BMERB1: variants seen among roughly 807,000 people sequenced by gnomAD.
The protein encoded by BMERB1 is bMERB domain containing 1.
A neutral mutation model predicts 23.6 loss-of-function variants in BMERB1; 12 were observed. That is an observed-to-expected ratio of 0.51 (90% confidence interval 0.33 to 0.82). BMERB1 has a LOEUF of 0.82. Ranked by LOEUF, BMERB1 falls within the 40% of genes least tolerant of loss-of-function variation. BMERB1 has a pLI of 0.03. For synonymous variants in BMERB1, 122 were observed against 96.6 expected, an observed-to-expected ratio of 1.26 and a Z score of -1.54; for missense variants, 247 against 255.4, an observed-to-expected ratio of 0.97 and a Z score of 0.22.
intron 2 of BMERB1, among the ~76,000 whole-genome samples, chr16:15,545,757 T>G (rs562941740): frequency 6.6e-6 from 1 of 152,186 alleles, no homozygotes; most frequent in African/African-American, 2.4e-5. Context: ...TGGCTGAGTC[T>G]GAGGAAGTGG....
At chr16:15,574,621 C>G (rs567417131) in intron 3 of BMERB1, among the ~76,000 whole-genome samples, 1 of 151,890 alleles carries the variant, frequency 6.6e-6, no homozygotes, top group South Asian at 2.1e-4. Flanking sequence ...AAATTTCAGT[C>G]AAGCAGAAGT....
chr16:15,517,654 ATATT>A (rs1197331279), intron 2 of BMERB1, among the ~76,000 whole-genome samples: 1 of 146,742 alleles, frequency 6.8e-6, no homozygotes. Flanking sequence ...TTAAAAATAT[ATATT>A]TATTTTTATT....
chr16:15,515,538 G>T, intron 2 of BMERB1, 110 bp downstream of exon 2: 1 of 1,399,446 alleles, frequency 7.1e-7, no homozygotes, highest in Non-Finnish European at 9.4e-7. Context: ...AAGGCATTAT[G>T]CACGTTTTTA....
chr16:15,508,812 C>A (rs551130097), intron 1 of BMERB1, among the ~76,000 whole-genome samples: 1 of 132,076 alleles, frequency 7.6e-6, no homozygotes, highest in Non-Finnish European at 1.5e-5. Context: ...GAAGACAGAG[C>A]GAGACCCTGC....
intron 1 of BMERB1, among the ~76,000 whole-genome samples, chr16:15,514,394 T>C (rs2051718712): frequency 6.6e-6 from 1 of 152,140 alleles, no homozygotes; most frequent in Non-Finnish European, 1.5e-5. Context: ...AAAGTGGTCG[T>C]GGTCAGGGGG....
chr16:15,571,521 AT>A (rs1278976063), intron 3 of BMERB1, among the ~76,000 whole-genome samples: 2 of 151,820 alleles, frequency 1.3e-5, no homozygotes, highest in African/African-American at 4.8e-5. Flanking sequence ...CGCCCGGCTA[AT>A]TTTTTGTATT....
At chr16:15,556,322 A>G (rs1340065146) in intron 2 of BMERB1, among the ~76,000 whole-genome samples, 1 of 152,160 alleles carries the variant, frequency 6.6e-6, no homozygotes, top group African/African-American at 2.4e-5. Context: ...ACACACCCAC[A>G]CTGCCTGTGC....
intron 2 of BMERB1, among the ~76,000 whole-genome samples, chr16:15,520,782 C>T (rs551313060): frequency 1.3e-5 from 2 of 152,250 alleles, no homozygotes; most frequent in Admixed American, 6.5e-5. Flanking sequence ...CCACTGCACC[C>T]GGCCCATAGA....
At position 15,576,726 on chromosome 16, in the gene BMERB1, T is replaced by TA. The variant is rs1646927047; in HGVS notation, c.305-4491_305-4490insA. Among the ~76,000 whole-genome samples the TA allele has an allele frequency of 4.8e-5, 7 of 147,030 alleles. No individual in the cohort carries two copies. The South Asian group carries it at 1.5e-3, about 31-fold the overall frequency. ...GCTAAGGCTCTAGAGGAGACTCCTT[T>TA]GCCTCTTAGCTTCTGGTAGTGTTAG... On this transcript the variant is annotated intron_variant, in intron 3 of 5. Coordinates refer to ENST00000300006, the MANE Select transcript of BMERB1 (RefSeq NM_033201.3).
At chr16:15,519,662 G>T (rs933302698) in intron 2 of BMERB1, among the ~76,000 whole-genome samples, 4 of 152,076 alleles carry the variant, frequency 2.6e-5, no homozygotes, top group African/African-American at 4.8e-5. Flanking sequence ...GGGATTACAG[G>T]TGTGAGCCAC....
At chr16:15,489,686 C>T (rs987272837) in intron 1 of BMERB1, among the ~76,000 whole-genome samples, 1 of 152,136 alleles carries the variant, frequency 6.6e-6, no homozygotes, top group African/African-American at 2.4e-5. Context: ...GTGGGTCCTC[C>T]ATGACTCATG....
At chr16:15,540,324 A>G (rs2150962572) in intron 2 of BMERB1, among the ~76,000 whole-genome samples, 1 of 152,134 alleles carries the variant, frequency 6.6e-6, no homozygotes, top group Non-Finnish European at 1.5e-5. Flanking sequence ...CCAGGAGTTC[A>G]AGACCAGCCT....
At chr16:15,435,963 C>T (rs571919959) in intron 1 of BMERB1, among the ~76,000 whole-genome samples, 2 of 151,844 alleles carry the variant, frequency 1.3e-5, no homozygotes, top group East Asian at 3.9e-4. Context: ...GTCTTTCTTT[C>T]TAGTTCATCC....
At position 15,446,103 on chromosome 16, in the gene BMERB1, A is replaced by C. The variant is rs578111804; in HGVS notation, c.106+11344A>C. 7.9e-5 allele frequency among the ~76,000 whole-genome samples: 12 copies of C among 152,332 alleles called. No homozygotes were observed. In the South Asian group the frequency reaches 1.2e-3, roughly 16 times the overall value. On this transcript the variant is annotated intron_variant, in intron 1 of 5. Coordinates refer to ENST00000300006, the MANE Select transcript of BMERB1 (RefSeq NM_033201.3). ...ACTCTAACTCTACAAAAATAAAAATAAAAAAGTTAGCTGGGCATAGTGGCC... is the reference window on the plus strand; with the variant it reads ...ACTCTAACTCTACAAAAATAAAAATCAAAAAGTTAGCTGGGCATAGTGGCC...
intron 3 of BMERB1, among the ~76,000 whole-genome samples, chr16:15,573,743 C>A (rs557925126): frequency 6.6e-6 from 1 of 152,142 alleles, no homozygotes; most frequent in Non-Finnish European, 1.5e-5. Flanking sequence ...TTTGTTAAGT[C>A]CATTTTCACA....
At chr16:15,468,003 A>AG (rs2051196081) in intron 1 of BMERB1, among the ~76,000 whole-genome samples, 1 of 152,132 alleles carries the variant, frequency 6.6e-6, no homozygotes, top group African/African-American at 2.4e-5. Flanking sequence ...GGTTAAGATA[A>AG]GGGGTTGTGG....
Position 15,434,625 on chromosome 16 carries a change from A to G in BMERB1, c.-29A>G, listed in dbSNP as rs1417873059. On this transcript the variant is annotated 5_prime_UTR_variant, in exon 1 of 6. Transcript: ENST00000300006. ...CGCAACGGGAATGGAGTAAAGGGAG[A>G]CCCGTCGACCTGGCCACGGGGATCA... The G allele has an allele frequency of 3.8e-6, 6 of 1,583,846 alleles. No individual in the cohort carries two copies. Among genetic ancestry groups the G allele is most frequent in the Non-Finnish European group, 5.2e-6 (6 of 1,152,680 alleles).
In BMERB1 at chr16:15,457,142, T is replaced by C. The variant is rs531862742; in HGVS notation, c.106+22383T>C. Reference sequence around the variant, plus strand: ...TGCCCAGCCTCCTCTATACAAATAATTAAAAGTAGAATTGCTGAGTTAAAA... The same window carrying C: ...TGCCCAGCCTCCTCTATACAAATAACTAAAAGTAGAATTGCTGAGTTAAAA... On this transcript the variant is annotated intron_variant, in intron 1 of 5. Transcript: ENST00000300006. Among the ~76,000 whole-genome samples, 224 of 152,200 alleles carry C rather than the reference T, an allele frequency of 1.5e-3. 1 individual carries two copies. Among genetic ancestry groups the C allele is most frequent in the Non-Finnish European group, 2.6e-3 (176 of 67,980 alleles).
rs928697019 is a variant in BMERB1, at chr16:15,584,288, G to A, written c.502+1050G>A. 1.3e-4 allele frequency: 58 copies of A among 433,672 alleles called. No homozygotes were observed. The Admixed American group carries it at 1.4e-3, about 11-fold the overall frequency. The allele number at this position is 433,672 out of a possible 1,614,324, so 26.9% of individuals were successfully genotyped here. On this transcript the variant is annotated intron_variant, in intron 5 of 5. Transcript: ENST00000300006. ...AAGAAATGGATGCCTGGCTGGGCGC[G>A]GTGGCTCACGCCTGTAATGCCAGCA...
Sources: gnomAD v4.1 joint callset for allele counts (sites outside exome capture counted in the v4.1 genomes callset) on GRCh38, gnomAD v4.1.1 for gene constraint, MANE v1.5 for transcripts, NCBI Gene and HGNC (gene_info 2026-07-23, HGNC 2026-07-21) for gene names.